NR1H3: variants seen among roughly 807,000 people sequenced by gnomAD.
NR1H3 encodes the protein oxysterols receptor LXR-alpha.
NR1H3 carries 19 observed loss-of-function variants against 48.1 expected under a neutral mutation model. That is an observed-to-expected ratio of 0.40 (90% CI 0.28 to 0.58). NR1H3 has a LOEUF of 0.58. NR1H3 is among the 20% of genes least tolerant of loss of function. The pLI, the probability that NR1H3 is intolerant of heterozygous loss-of-function variation, is 0.50. For missense variants in NR1H3, 486 were observed against 595.9 expected (o/e 0.82, Z 1.92); for synonymous variants, 232 against 227.3 (o/e 1.02, Z -0.19).
At chr11:47,248,865 G>T, upstream of NR1H3, 1 of 1,551,056 alleles carries the variant, frequency 6.4e-7, no homozygotes, top group Non-Finnish European at 8.7e-7. Context: ...GGACGCACCC[G>T]TAAGGACACA....
chr11:47,257,497 C>A, upstream of NR1H3: 1 of 235,530 alleles, frequency 4.2e-6, no homozygotes, highest in Non-Finnish European at 6.9e-6. Flanking sequence ...GGATTTCTAC[C>A]AGCTTGGCTG....
rs1251080722 is a variant in NR1H3, at chr11:47,268,621, G to C, written c.1269G>C (p.Glu423Asp). 1.2e-6 allele frequency: 2 copies of C among 1,614,230 alleles called. No homozygotes were observed. The highest frequency in any genetic ancestry group is 3.3e-5 in the Admixed American group (2 of 60,032). ...SLRTLSSVHS[E>D]QVFALRLQDK... Reference sequence around the variant, plus strand: ...GGACCCTGAGCAGCGTCCACTCAGAGCAAGTGTTTGCACTGCGTCTGCAGG... The same window carrying C: ...GGACCCTGAGCAGCGTCCACTCAGACCAAGTGTTTGCACTGCGTCTGCAGG... The change falls in exon 10 of 10, where the codon GAG becomes GAC. Residue 423 changes from glutamate (E) to aspartate (D), a missense_variant. Glu to Asp is a conservative substitution (Grantham distance 45). Transcript: ENST00000441012.
At chr11:47,268,486 C>T in intron 9 of NR1H3, 64 bp from the exon 10 acceptor site, 2 of 1,608,016 alleles carry the variant, frequency 1.2e-6, no homozygotes, top group South Asian at 1.1e-5. Context: ...CCACAACTCC[C>T]CTACTCTTGC....
intron 3 of NR1H3, 142 bp downstream of exon 3, chr11:47,260,121 C>G: frequency 1.2e-6 from 1 of 850,650 alleles, no homozygotes; most frequent in Non-Finnish European, 1.8e-6. Context: ...TCTGACTGAT[C>G]TAAGTGTGAA....
chr11:47,259,705 A>G (rs1167036546), intron 2 of NR1H3, 86 bp from the exon 3 acceptor site: 3 of 1,592,532 alleles, frequency 1.9e-6, no homozygotes, highest in Non-Finnish European at 2.6e-6. Context: ...GGGTGGGGAT[A>G]AGTTTGCAGT....
intron 1 of NR1H3, chr11:47,258,903 C>T: frequency 2.7e-6 from 1 of 377,254 alleles, no homozygotes; most frequent in Non-Finnish European, 4.9e-6. Flanking sequence ...AGGCTGGGCG[C>T]AGTGGCTTAC....
rs776816368 is a variant in NR1H3 at position 47,260,617 on chromosome 11, T to C, written c.441T>C (p.Arg147=). The C allele has an allele frequency of 1.9e-6, 3 of 1,612,820 alleles. No homozygotes were observed. The highest frequency in any genetic ancestry group is 2.5e-6 in the Non-Finnish European group (3 of 1,179,890). ...ACTGCCCCATGGACACCTACATGCG[T>C]CGCAAGTGCCAGGAGTGTCGGCTTC... ...GGHCPMDTYM[R]RKCQECRLRK... is the part of the protein sequence containing the mutation. Residue 147 remains arginine (R), a synonymous_variant, in exon 4 of 10, where the codon CGT becomes CGC. Transcript: ENST00000441012.
At chr11:47,255,539 CTTTTTCTTTCTTTCTTTCTTTCTT>C (rs1955006297), upstream of NR1H3, among the ~76,000 whole-genome samples, 5 of 110,600 alleles carry the variant, frequency 4.5e-5, no homozygotes, top group African/African-American at 1.5e-4. Context: ...TTCTTTCTTT[CTTTTTCTTTCTTTCTTTCTTTCTT>C]TCTTTCTTTC....
intron 2 of NR1H3, chr11:47,259,587 T>C: frequency 6.9e-7 from 1 of 1,454,842 alleles, no homozygotes; most frequent in Non-Finnish European, 9.0e-7. Context: ...GATTAACATC[T>C]TCATTTAAGG....
At chr11:47,267,818 T>G (rs1463847183) in intron 7 of NR1H3, 95 bp from the exon 8 acceptor site, 1 of 899,480 alleles carries the variant, frequency 1.1e-6, no homozygotes, top group Non-Finnish European at 1.8e-6. Context: ...CTCAGTAAAC[T>G]TCTTAGTGAG....
upstream of NR1H3, among the ~76,000 whole-genome samples, chr11:47,255,436 A>T (rs1325295141): frequency 6.6e-6 from 1 of 152,214 alleles, no homozygotes; most frequent in Non-Finnish European, 1.5e-5. Flanking sequence ...AGTTAAAGCA[A>T]TGGGAAGACC....
At chr11:47,250,377 C>T (rs1954542030) in intron 1 of NR1H3, 1 of 152,134 alleles carries the variant, frequency 6.6e-6, no homozygotes, top group African/African-American at 2.4e-5. Context: ...TGCAACTGCA[C>T]TCCAGTCTAG....
chr11:47,267,861 A>G, intron 7 of NR1H3, 52 bp from the exon 8 acceptor site: 1 of 1,308,726 alleles, frequency 7.6e-7, no homozygotes, highest in Non-Finnish European at 1.1e-6. Flanking sequence ...AGGAGAGAAG[A>G]AAGTTCCTGC....
In NR1H3 at chr11:47,261,535, C is replaced by G; in HGVS notation, c.709-12C>G. The G allele has an allele frequency of 6.2e-7, 1 of 1,612,512 alleles. No homozygotes were observed. Among genetic ancestry groups the G allele is most frequent in the Non-Finnish European group, 8.5e-7 (1 of 1,178,644 alleles). ...CCGACTCAAAGCGCTTTGCCTTTTC[C>G]CTCCTGGGTAGCCTTGGCCCATGGC... On this transcript the variant is annotated splice_polypyrimidine_tract_variant and intron_variant, in intron 5 of 9. Coordinates refer to ENST00000441012, the MANE Select transcript of NR1H3 (RefSeq NM_005693.4).
intron 2 of NR1H3, chr11:47,259,466 T>C: frequency 6.4e-7 from 1 of 1,550,484 alleles, no homozygotes; most frequent in Non-Finnish European, 8.7e-7. Flanking sequence ...TCCTCCCCAG[T>C]CTGGATTTGC....
At chr11:47,258,942 C>G (rs1955508034) in intron 1 of NR1H3, 2 of 568,470 alleles carry the variant, frequency 3.5e-6, no homozygotes, top group African/African-American at 1.9e-5. Context: ...TTGGGAGGCC[C>G]AGGTGAGAGG....
In NR1H3 at chr11:47,268,546, C is replaced by G. The variant is rs754852332; in HGVS notation, c.1198-4C>G. 4.3e-6 allele frequency: 7 copies of G among 1,614,212 alleles called. No homozygotes were observed. In the South Asian group the frequency reaches 5.5e-5, roughly 13 times the overall value. On this transcript the variant is annotated splice_region_variant and splice_polypyrimidine_tract_variant and intron_variant, in intron 9 of 9. Transcript: ENST00000441012. ...AGCTGTGTTTGTCTCTCTCCTTTCC[C>G]CAGGACCGACTGATGTTCCCACGGA... is the stretch of plus-strand genomic sequence containing the variant.
intron 7 of NR1H3, among the ~76,000 whole-genome samples, chr11:47,264,440 T>G (rs1012568396): frequency 6.6e-6 from 1 of 152,260 alleles, no homozygotes; most frequent in Admixed American, 6.5e-5. Flanking sequence ...TTGCCTTCTA[T>G]AGTAACCGGT....
Position 47,268,572 on chromosome 11 carries a change from T to G in NR1H3, c.1220T>G (p.Met407Arg). Residue 407 changes from methionine (M) to arginine (R), a missense_variant, in exon 10 of 10, where the codon ATG becomes AGG. Transcript: ENST00000441012. ...HPHDRLMFPRMLMKLVSLRTL... is the reference protein window; with the variant it reads ...HPHDRLMFPRRLMKLVSLRTL... ...CAGGACCGACTGATGTTCCCACGGA[T>G]GCTAATGAAACTGGTGAGCCTCCGG... The G allele has an allele frequency of 6.2e-7, 1 of 1,614,196 alleles. No homozygotes were observed. The highest frequency in any genetic ancestry group is 1.1e-5 in the South Asian group (1 of 91,086).
Sources: gnomAD v4.1 joint callset for allele counts (sites outside exome capture counted in the v4.1 genomes callset) on GRCh38, gnomAD v4.1.1 for gene constraint, MANE v1.5 for transcripts, NCBI Gene and HGNC (gene_info 2026-07-23, HGNC 2026-07-21) for gene names.